MGAT5: variants seen among roughly 807,000 people sequenced by gnomAD.
The protein encoded by MGAT5 is alpha-1,6-mannosylglycoprotein 6-beta-N-acetylglucosaminyltransferase.
MGAT5 carries 30 observed loss-of-function variants against 94.3 expected under a neutral mutation model. That is an observed-to-expected ratio of 0.32 (90% CI 0.24 to 0.43). The LOEUF (loss-of-function observed/expected upper bound fraction) is 0.43, where lower values mean the gene tolerates loss of function less well. MGAT5 is among the 20% of genes least tolerant of loss of function. MGAT5 has a pLI of 1.00. For missense variants in MGAT5, 691 were observed against 905.5 expected (o/e 0.76, Z 3.04); for synonymous variants, 310 against 322.9 (o/e 0.96, Z 0.43).
chr2:134,154,474 G>C (rs1687381057), intron 1 of MGAT5, among the ~76,000 whole-genome samples: 1 of 152,206 alleles, frequency 6.6e-6, no homozygotes, highest in Non-Finnish European at 1.5e-5. Context: ...GGGAAGTCCT[G>C]ATTAGACCTG....
At chr2:134,275,956 C>T in intron 2 of MGAT5, among the ~76,000 whole-genome samples, 1 of 152,012 alleles carries the variant, frequency 6.6e-6, no homozygotes, top group East Asian at 1.9e-4. Context: ...AGACACTGCC[C>T]ATAATAGAAG....
chr2:134,377,744 C>T (rs1681274961), intron 10 of MGAT5, among the ~76,000 whole-genome samples: 1 of 152,168 alleles, frequency 6.6e-6, no homozygotes, highest in Non-Finnish European at 1.5e-5. Flanking sequence ...AAAGGACTCC[C>T]ACCATCAAAA....
intron 1 of MGAT5, among the ~76,000 whole-genome samples, chr2:134,186,340 A>G (rs1689025091): frequency 6.6e-6 from 1 of 151,772 alleles, no homozygotes; most frequent in Non-Finnish European, 1.5e-5. Flanking sequence ...CTGAGCAGCC[A>G]GAGGGGATAG....
At chr2:134,300,782 G>C (rs910373471) in intron 2 of MGAT5, among the ~76,000 whole-genome samples, 3 of 152,128 alleles carry the variant, frequency 2.0e-5, no homozygotes, top group African/African-American at 7.2e-5. Context: ...AGTGAAGGTC[G>C]TTGGCAAAGG....
chr2:134,398,180 A>C (rs907520176), intron 10 of MGAT5, among the ~76,000 whole-genome samples: 2 of 152,154 alleles, frequency 1.3e-5, no homozygotes, highest in Non-Finnish European at 2.9e-5. Flanking sequence ...TATTCCCGAA[A>C]ATCTGAAGTT....
In MGAT5 at chr2:134,336,230, GTCC is replaced by G; in HGVS notation, c.590_592del (p.Pro197del). 1 of 1,612,308 alleles carries G rather than the reference GTCC, an allele frequency of 6.2e-7. No homozygotes were observed. The highest frequency in any genetic ancestry group is 8.5e-7 in the Non-Finnish European group (1 of 1,179,084). On this transcript the variant is annotated inframe_deletion, in exon 5 of 16. Coordinates refer to ENST00000281923, the MANE Select transcript of MGAT5 (RefSeq NM_002410.5). ...GATGCTTTTTAGGTTGAAAATTGGT[GTCC>G]TCATTTACCTTGGAGAGCAAAAAAT...
rs59065013 is a variant in MGAT5, at chr2:134,145,214, C to CTGTGTGTGTGTGTGTGTG, written c.-143+24937_-143+24954dup. On this transcript the variant is annotated intron_variant, in intron 1 of 16. Transcript: ENST00000409645. Reference sequence around the variant, plus strand: ...GTAAGGTGTGTGTGTGTCTCTCTCTCTGTGTGTGTGTGTGTGTGTGTGTGT... The same window carrying CTGTGTGTGTGTGTGTGTG: ...GTAAGGTGTGTGTGTGTCTCTCTCTCTGTGTGTGTGTGTGTGTGTGTGTGTGTGTGTGTGTGTGTGTGT... Among the ~76,000 whole-genome samples the CTGTGTGTGTGTGTGTGTG allele has an allele frequency of 1.5e-3, 221 of 143,864 alleles. 1 individual carries two copies. Among genetic ancestry groups the CTGTGTGTGTGTGTGTGTG allele is most frequent in the African/African-American group, 5.4e-3 (209 of 38,570 alleles). 94.4% of individuals were successfully genotyped at this position (143,864 alleles called of 152,430 possible). A position where few individuals can be genotyped will look rare whatever the true frequency, so the allele number is the denominator to read the frequency against.
intron 1 of MGAT5, among the ~76,000 whole-genome samples, chr2:134,194,177 A>C (rs1170984029): frequency 6.6e-6 from 1 of 152,220 alleles, no homozygotes; most frequent in Non-Finnish European, 1.5e-5. Context: ...CCTGTGAATG[A>C]ATTGAATTAG....
rs78925255 is a variant in MGAT5 at position 134,336,930 on chromosome 2, C to T, written c.645+642C>T. On this transcript the variant is annotated intron_variant, in intron 5 of 15. Transcript: ENST00000281923. ...AGTCTTTACTCTTTAGACCATAGAT[C>T]ACTAAACTTCTACAAAATACCCAGA... 7.9e-3 allele frequency among the ~76,000 whole-genome samples: 1,207 copies of T among 152,236 alleles called. 13 individuals carry two copies. The highest frequency in any genetic ancestry group is 0.028 in the African/African-American group (1,164 of 41,540).
intron 8 of MGAT5, among the ~76,000 whole-genome samples, chr2:134,345,788 A>G (rs1688887399): frequency 6.6e-6 from 1 of 152,190 alleles, no homozygotes; most frequent in South Asian, 2.1e-4. Flanking sequence ...ATGCATTTTT[A>G]ACAATGTGAG....
intron 1 of MGAT5, among the ~76,000 whole-genome samples, chr2:134,124,561 T>C (rs1375311328): frequency 3.3e-5 from 5 of 152,222 alleles, no homozygotes; most frequent in Admixed American, 2.6e-4. Flanking sequence ...GTTTGTCTTG[T>C]AAACTAGCAC....
intron 12 of MGAT5, among the ~76,000 whole-genome samples, chr2:134,417,457 T>C (rs2106344413): frequency 6.6e-6 from 1 of 152,284 alleles, no homozygotes; most frequent in African/African-American, 2.4e-5. Context: ...TCTGTGCCAA[T>C]TCAGTCTTTC....
chr2:134,437,495 G>C (rs1685226501), intron 14 of MGAT5, among the ~76,000 whole-genome samples: 1 of 152,146 alleles, frequency 6.6e-6, no homozygotes, highest in South Asian at 2.1e-4. Flanking sequence ...GCCTTCGTGG[G>C]TCTTCATTTT....
chr2:134,353,149 C>T (rs1051592319), intron 9 of MGAT5, among the ~76,000 whole-genome samples: 3 of 152,076 alleles, frequency 2.0e-5, no homozygotes, highest in Non-Finnish European at 4.4e-5. Context: ...CACTACTGAA[C>T]ACTTAAAAAA....
chr2:134,301,408 C>A (rs1274363471), intron 2 of MGAT5, among the ~76,000 whole-genome samples: 1 of 151,982 alleles, frequency 6.6e-6, no homozygotes, highest in Non-Finnish European at 1.5e-5. Context: ...TTTTATTATT[C>A]TTTTAACATC....
intron 1 of MGAT5, among the ~76,000 whole-genome samples, chr2:134,182,198 T>C (rs1192665941): frequency 6.6e-6 from 1 of 152,232 alleles, no homozygotes; most frequent in Non-Finnish European, 1.5e-5. Flanking sequence ...ATGTTATGAT[T>C]ATTGATCATT....
chr2:134,286,758 C>A (rs1036095226), intron 2 of MGAT5, among the ~76,000 whole-genome samples: 2 of 152,168 alleles, frequency 1.3e-5, no homozygotes, highest in South Asian at 4.1e-4. Context: ...ATTCTGCCTT[C>A]CCACTTGAAT....
intron 14 of MGAT5, among the ~76,000 whole-genome samples, chr2:134,441,079 C>T (rs1009717743): frequency 1.8e-4 from 28 of 152,130 alleles, no homozygotes; most frequent in Non-Finnish European, 4.0e-4. Context: ...ATTGTCATTT[C>T]GCTTAACGTT....
At chr2:134,130,473 T>C (rs115614606) in intron 1 of MGAT5, among the ~76,000 whole-genome samples, 1,995 of 152,356 alleles carry the variant, frequency 0.013, 46 homozygotes, top group African/African-American at 0.046. Flanking sequence ...GCTGGGCTTC[T>C]GAGTCAAGTG....
Sources: allele counts gnomAD v4.1 joint callset (sites outside exome capture counted in the v4.1 genomes callset), GRCh38; gene constraint gnomAD v4.1.1; transcripts MANE v1.5; gene names NCBI Gene and HGNC (gene_info 2026-07-23, HGNC 2026-07-21).